The following AATF variants were observed in gnomAD, a reference collection of about 807,000 sequenced individuals.
AATF encodes protein AATF.
A neutral mutation model predicts 63.7 loss-of-function variants in AATF; 48 were observed. The ratio of observed to expected loss-of-function variants is 0.75; its 90% CI spans 0.60 to 0.96. The LOEUF is 0.96. Among genes scored for constraint, AATF ranks in the 40% least tolerant of loss-of-function variants. The pLI, the probability that AATF is intolerant of heterozygous loss-of-function variation, is 0.00. For synonymous variants in AATF, 258 were observed against 247.7 expected (o/e 1.04, Z -0.39); for missense variants, 639 against 685.7 (o/e 0.93, Z 0.76).
chr17:37,044,490 G>A (rs1231236664), intron 11 of AATF, among the ~76,000 whole-genome samples: 1 of 152,074 alleles, frequency 6.6e-6, no homozygotes, highest in African/African-American at 2.4e-5. Flanking sequence ...ACTCTTACAT[G>A]TCCATCACTT....
intron 8 of AATF, among the ~76,000 whole-genome samples, chr17:36,999,600 A>C (rs1404964079): frequency 6.6e-6 from 1 of 152,218 alleles, no homozygotes; most frequent in Non-Finnish European, 1.5e-5. Flanking sequence ...ATGAGCGTTC[A>C]TTCTAGCTTA....
intron 10 of AATF, among the ~76,000 whole-genome samples, chr17:37,021,804 C>CAAAAAAAAAAAAAAAAAA (rs1246008885): frequency 1.1e-5 from 1 of 91,598 alleles, no homozygotes; most frequent in African/African-American, 5.4e-5. Flanking sequence ...GACTCCGTCT[C>CAAAAAAAAAAAAAAAAAA]AAAAAAAAAA....
chr17:36,984,715 A>G (rs1326595529), intron 4 of AATF, among the ~76,000 whole-genome samples: 1 of 152,006 alleles, frequency 6.6e-6, no homozygotes, highest in East Asian at 1.9e-4. Flanking sequence ...AGTTCACTGT[A>G]ACTTCAAACT....
chr17:37,003,205 A>G (rs2071315479), intron 8 of AATF, among the ~76,000 whole-genome samples: 1 of 152,144 alleles, frequency 6.6e-6, no homozygotes, highest in South Asian at 2.1e-4. Context: ...GCAGAAGAAC[A>G]GTTTTTTGTT....
In AATF at chr17:36,952,873, C is replaced by G; in HGVS notation, c.284-13C>G. 4 of 1,605,040 alleles carry G rather than the reference C, an allele frequency of 2.5e-6. No homozygotes were observed. Among genetic ancestry groups the G allele is most frequent in the Non-Finnish European group, 3.4e-6 (4 of 1,173,420 alleles). On this transcript the variant is annotated splice_polypyrimidine_tract_variant and intron_variant, in intron 2 of 11. Transcript: ENST00000619387. ...ATACCCATTTTTCTCTTTCTTCCCT[C>G]TCTTCTTTGTAGATGAGGAAATATC...
intron 8 of AATF, among the ~76,000 whole-genome samples, chr17:36,997,990 A>G (rs965351188): frequency 1.3e-5 from 2 of 152,198 alleles, no homozygotes; most frequent in African/African-American, 2.4e-5. Context: ...AACAAACATC[A>G]TATGTTCCCA....
intron 11 of AATF, among the ~76,000 whole-genome samples, chr17:37,040,448 T>G (rs1333713673): frequency 4.0e-5 from 5 of 124,420 alleles, no homozygotes; most frequent in Admixed American, 1.9e-4. Context: ...GCCCTTCACA[T>G]ATATTTTCAT....
intron 8 of AATF, among the ~76,000 whole-genome samples, chr17:37,002,909 T>TG (rs1183761186): frequency 6.7e-6 from 1 of 148,984 alleles, no homozygotes; most frequent in Non-Finnish European, 1.5e-5. Context: ...TGCTGTTTTT[T>TG]TTTTTTTTTT....
At chr17:37,030,446 G>C (rs1213516390) in intron 10 of AATF, among the ~76,000 whole-genome samples, 1 of 152,098 alleles carries the variant, frequency 6.6e-6, no homozygotes, top group Non-Finnish European at 1.5e-5. Flanking sequence ...TTTTGGGTTA[G>C]AATTTTATTT....
chr17:37,042,081 A>C (rs1418185672), intron 11 of AATF, among the ~76,000 whole-genome samples: 1 of 151,944 alleles, frequency 6.6e-6, no homozygotes, highest in Non-Finnish European at 1.5e-5. Flanking sequence ...TATTATGGCT[A>C]TATTTATGGT....
chr17:36,949,038 G>T lies in AATF; in HGVS notation c.-88G>T. Reference sequence around the variant, plus strand: ...GAGTCGGGGAATCGGATCAAGGCGAGAGGATCCGGCAGGGAAGGAGCTTCG... The same window carrying T: ...GAGTCGGGGAATCGGATCAAGGCGATAGGATCCGGCAGGGAAGGAGCTTCG... On this transcript the variant is annotated 5_prime_UTR_variant, in exon 1 of 12. Transcript: ENST00000619387. The T allele has an allele frequency of 2.5e-6, 3 of 1,209,492 alleles. No homozygotes were observed. The highest frequency in any genetic ancestry group is 1.2e-6 in the Non-Finnish European group (1 of 855,678). 74.9% of individuals were successfully genotyped at this position (1,209,492 alleles called of 1,614,324 possible).
chr17:36,949,366 C>T (rs767148880), intron 1 of AATF, 150 bp downstream of exon 1: 12 of 716,756 alleles, frequency 1.7e-5, no homozygotes, highest in Non-Finnish European at 2.0e-5. Context: ...AGGGTGGTCC[C>T]GGCCTCGGGA....
intron 11 of AATF, chr17:37,056,131 T>C (rs1207658755): frequency 1.3e-5 from 2 of 154,330 alleles, no homozygotes; most frequent in African/African-American, 4.8e-5. Flanking sequence ...CTTGGTTCTC[T>C]TCCTGAACAA....
chr17:37,037,010 GTTT>G (rs374106722), intron 11 of AATF, among the ~76,000 whole-genome samples: 3 of 133,470 alleles, frequency 2.2e-5, no homozygotes, highest in Non-Finnish European at 3.2e-5. Flanking sequence ...TCATCTTTTT[GTTT>G]TTTTTTTTTT....
chr17:37,039,131 A>G (rs2071616402), intron 11 of AATF, among the ~76,000 whole-genome samples: 1 of 152,204 alleles, frequency 6.6e-6, no homozygotes, highest in African/African-American at 2.4e-5. Context: ...TTTAATAGGA[A>G]TATGCACTGA....
chr17:37,024,896 T>C (rs931225153), intron 10 of AATF, among the ~76,000 whole-genome samples: 4 of 151,770 alleles, frequency 2.6e-5, no homozygotes, highest in African/African-American at 9.7e-5. Flanking sequence ...GAGGCAGAGG[T>C]TTCAGTGAGC....
chr17:37,042,083 A>T (rs9902148), intron 11 of AATF, among the ~76,000 whole-genome samples: 5,150 of 151,974 alleles, frequency 0.034, 254 homozygotes, highest in African/African-American at 0.1. Context: ...TTATGGCTAT[A>T]TTTATGGTTA....
At chr17:37,011,689 C>T (rs17651928) in intron 8 of AATF, among the ~76,000 whole-genome samples, 17,734 of 152,074 alleles carry the variant, frequency 0.12, 1,303 homozygotes, top group Non-Finnish European at 0.16. Context: ...AGAGATGCCT[C>T]ACTGATACCG....
intron 11 of AATF, chr17:37,052,918 G>A (rs570443817): frequency 1.3e-5 from 2 of 152,232 alleles, no homozygotes; most frequent in Non-Finnish European, 2.9e-5. Flanking sequence ...TGGAGAACAC[G>A]AGTTGAATTG....
Sources: gnomAD v4.1 joint callset for allele counts (sites outside exome capture counted in the v4.1 genomes callset) on GRCh38, gnomAD v4.1.1 for gene constraint, MANE v1.5 for transcripts, NCBI Gene and HGNC (gene_info 2026-07-23, HGNC 2026-07-21) for gene names.